The following PAM variants were observed in gnomAD, a reference collection of about 807,000 sequenced individuals.
PAM encodes the protein peptidyl-glycine alpha-amidating monooxygenase.
PAM carries 72 observed loss-of-function variants against 122.1 expected under a neutral mutation model. The observed-to-expected ratio is 0.59, with a 90% CI of 0.49 to 0.72. The LOEUF is 0.72. PAM is among the 30% of genes least tolerant of loss of function. PAM has a pLI of 0.00. For synonymous variants in PAM, 389 were observed against 404.4 expected (o/e 0.96, Z 0.46); for missense variants, 1,106 against 1,183.7 (o/e 0.93, Z 0.96).
chr5:103,025,452 C>T (rs147272823), intron 24 of PAM, 118 bp downstream of exon 24: 10,795 of 757,128 alleles, frequency 0.014, 104 homozygotes, highest in Non-Finnish European at 0.019. Flanking sequence ...GTTTTTAATG[C>T]TCTCTACCAT....
chr5:102,870,859 C>T (rs1221168768), intron 3 of PAM, among the ~76,000 whole-genome samples: 2 of 152,132 alleles, frequency 1.3e-5, no homozygotes, highest in South Asian at 2.1e-4. Flanking sequence ...AGCACTGTTT[C>T]TTTCTTATTT....
At chr5:102,929,025 G>A (rs927091985) in intron 7 of PAM, among the ~76,000 whole-genome samples, 1 of 151,888 alleles carries the variant, frequency 6.6e-6, no homozygotes, top group African/African-American at 2.4e-5. Flanking sequence ...ATGCTTACCA[G>A]GATTGTCAAG....
intron 7 of PAM, among the ~76,000 whole-genome samples, chr5:102,929,987 G>A (rs1050025604): frequency 2.6e-5 from 4 of 151,792 alleles, no homozygotes; most frequent in African/African-American, 7.3e-5. Context: ...GACCATCCCT[G>A]TTTTAGACTG....
chr5:102,988,317 T>C (rs1772645581), intron 15 of PAM, among the ~76,000 whole-genome samples: 1 of 151,904 alleles, frequency 6.6e-6, no homozygotes, highest in Admixed American at 6.5e-5. Context: ...TAAGTAGACC[T>C]TAATCCTACC....
chr5:102,987,639 T>C, intron 15 of PAM: 1 of 392,436 alleles, frequency 2.5e-6, no homozygotes, highest in Non-Finnish European at 5.0e-6. Context: ...ACCCTATAAA[T>C]ATGTACAATT....
intron 12 of PAM, 150 bp downstream of exon 12, chr5:102,950,970 G>C: frequency 1.8e-6 from 1 of 557,502 alleles, no homozygotes; most frequent in Non-Finnish European, 3.2e-6. Context: ...TTTCAAAGCT[G>C]ATTGATTCAG....
At chr5:102,779,476 AT>A (rs953785008) in intron 1 of PAM, among the ~76,000 whole-genome samples, 152 of 151,622 alleles carry the variant, frequency 1.0e-3, no homozygotes, top group Middle Eastern at 6.8e-3. Flanking sequence ...CAGATAAAGT[AT>A]TCCCCCCCTT....
At chr5:102,969,135 G>C (rs1168460858) in intron 14 of PAM, among the ~76,000 whole-genome samples, 1 of 152,180 alleles carries the variant, frequency 6.6e-6, no homozygotes, top group Middle Eastern at 3.4e-3. Flanking sequence ...AATACCTAAT[G>C]TAGATGATGG....
intron 14 of PAM, among the ~76,000 whole-genome samples, chr5:102,961,709 A>C (rs536346073): frequency 3.6e-4 from 55 of 151,918 alleles, no homozygotes; most frequent in Non-Finnish European, 6.2e-4. Context: ...TTATTGTCTT[A>C]TACATCTATA....
At chr5:102,981,150 C>A (rs1003565890) in intron 15 of PAM, among the ~76,000 whole-genome samples, 2 of 152,110 alleles carry the variant, frequency 1.3e-5, no homozygotes, top group Non-Finnish European at 2.9e-5. Flanking sequence ...CAAGCACTTA[C>A]CAGTTTAAGG....
intron 3 of PAM, among the ~76,000 whole-genome samples, chr5:102,881,408 A>G (rs1284813349): frequency 6.6e-6 from 1 of 152,124 alleles, no homozygotes; most frequent in Non-Finnish European, 1.5e-5. Context: ...AAAAATTCAA[A>G]AGAGCTATGA....
intron 15 of PAM, among the ~76,000 whole-genome samples, chr5:102,982,614 C>G (rs1291895373): frequency 6.6e-6 from 1 of 152,332 alleles, no homozygotes; most frequent in South Asian, 2.1e-4. Context: ...AGAGACACCA[C>G]TGATGCTGAT....
At chr5:102,923,527 A>G (rs1748201376) in intron 5 of PAM, among the ~76,000 whole-genome samples, 1 of 152,242 alleles carries the variant, frequency 6.6e-6, no homozygotes, top group Non-Finnish European at 1.5e-5. Context: ...TTCAAAACAC[A>G]AATACACAAA....
intron 1 of PAM, among the ~76,000 whole-genome samples, chr5:102,773,413 G>A (rs1756316293): frequency 6.6e-6 from 1 of 152,040 alleles, no homozygotes; most frequent in Non-Finnish European, 1.5e-5. Flanking sequence ...GATCTCTGTT[G>A]CAACTACTCA....
chr5:102,761,497 A>G (rs1242158403), intron 1 of PAM, among the ~76,000 whole-genome samples: 1 of 152,210 alleles, frequency 6.6e-6, no homozygotes, highest in Non-Finnish European at 1.5e-5. Context: ...AGAAATAAAT[A>G]AAAGTAAAGT....
chr5:102,782,747 G>GTT (rs1250103176), intron 1 of PAM, among the ~76,000 whole-genome samples: 1 of 151,310 alleles, frequency 6.6e-6, no homozygotes, highest in African/African-American at 2.4e-5. Flanking sequence ...GTGTGTGTGT[G>GTT]TGTGTGTGTG....
chr5:103,011,545 C>T (rs1454824151), intron 21 of PAM, among the ~76,000 whole-genome samples: 1 of 152,138 alleles, frequency 6.6e-6, no homozygotes, highest in African/African-American at 2.4e-5. Context: ...TGGCTTATTT[C>T]ATCTATAATG....
intron 4 of PAM, among the ~76,000 whole-genome samples, chr5:102,907,698 T>G (rs1800004987): frequency 6.6e-6 from 1 of 152,044 alleles, no homozygotes; most frequent in South Asian, 2.1e-4. Context: ...ATTGTGGTTT[T>G]GATTTGCATT....
At chr5:102,846,606 C>A (rs1481392256) in intron 1 of PAM, among the ~76,000 whole-genome samples, 1 of 152,152 alleles carries the variant, frequency 6.6e-6, no homozygotes, top group African/African-American at 2.4e-5. Flanking sequence ...AGTGTTTATA[C>A]AAGTGAAAGA....
Sources: allele counts gnomAD v4.1 joint callset (sites outside exome capture counted in the v4.1 genomes callset), GRCh38; gene constraint gnomAD v4.1.1; transcripts MANE v1.5; gene names NCBI Gene and HGNC (gene_info 2026-07-23, HGNC 2026-07-21).